Variants in IL1RAPL1 observed in about 807,000 individuals in gnomAD.
The protein encoded by IL1RAPL1 is interleukin-1 receptor accessory protein-like 1.
In IL1RAPL1, 3 loss-of-function variants were observed where a neutral mutation model predicts 48.4. That is an observed-to-expected ratio of 0.06 (90% CI 0.03 to 0.16). The LOEUF is 0.16. Ranked by LOEUF, IL1RAPL1 falls within the 10% of genes least tolerant of loss-of-function variation. The pLI, the probability that IL1RAPL1 is intolerant of heterozygous loss-of-function variation, is 1.00. For missense variants in IL1RAPL1, 349 were observed against 530.6 expected (o/e 0.66, Z 3.36); for synonymous variants, 185 against 187.7 (o/e 0.99, Z 0.12).
intron 2 of IL1RAPL1, among the ~76,000 whole-genome samples, chrX:28,911,044 A>T (rs551315042): frequency 1.8e-5 from 2 of 111,523 alleles, no homozygotes; most frequent in South Asian, 3.7e-4. Context: ...AAGAAAATGC[A>T]AATATATTCT....
At chrX:28,808,706 A>G (rs980153847) in intron 2 of IL1RAPL1, among the ~76,000 whole-genome samples, 2 of 111,033 alleles carry the variant, frequency 1.8e-5, no homozygotes, top group African/African-American at 6.5e-5. Flanking sequence ...CAAATTAGGT[A>G]TTCATTGCCA....
chrX:29,936,619 TTTTAC>T (rs1933038708), intron 8 of IL1RAPL1, among the ~76,000 whole-genome samples: 1 of 109,862 alleles, frequency 9.1e-6, no homozygotes, highest in South Asian at 3.8e-4. Flanking sequence ...ACATATGAAC[TTTTAC>T]TTACTTTGTT....
intron 8 of IL1RAPL1, among the ~76,000 whole-genome samples, chrX:29,938,194 T>G (rs1470927864): frequency 8.9e-6 from 1 of 112,171 alleles, no homozygotes; most frequent in Admixed American, 9.5e-5. Flanking sequence ...TAAGAAGGAC[T>G]TATTTTCATA....
chrX:29,480,136 C>T (rs1453058362), intron 5 of IL1RAPL1, among the ~76,000 whole-genome samples: 1 of 108,526 alleles, frequency 9.2e-6, no homozygotes, highest in Non-Finnish European at 1.9e-5. Flanking sequence ...GTTCGATGAC[C>T]ACTTCTTGTC....
chrX:29,295,798 G>T (rs1932441385), intron 3 of IL1RAPL1, among the ~76,000 whole-genome samples: 1 of 111,201 alleles, frequency 9.0e-6, no homozygotes, highest in Admixed American at 9.6e-5. Flanking sequence ...TAGACTGAAA[G>T]GAACAAAGGA....
intron 5 of IL1RAPL1, among the ~76,000 whole-genome samples, chrX:29,605,816 G>T (rs932764460): frequency 8.9e-6 from 1 of 111,960 alleles, no homozygotes; most frequent in Non-Finnish European, 1.9e-5. Context: ...TTTGAAGAGG[G>T]AAGTTATGCA....
intron 2 of IL1RAPL1, among the ~76,000 whole-genome samples, chrX:29,221,114 C>T (rs1930965837): frequency 9.0e-6 from 1 of 110,905 alleles, no homozygotes; most frequent in Non-Finnish European, 1.9e-5. Flanking sequence ...GAGATGGGGC[C>T]ACCACACCCG....
Position 29,426,998 on chromosome X carries a change from TA to T in IL1RAPL1, c.703+27706del, listed in dbSNP as rs35208878. On this transcript the variant is annotated intron_variant, in intron 5 of 10. Transcript: ENST00000378993. ...GATAATTGGATTTTAAAAACCTTTT[TA>T]AAAAAAAAAAAAAAAGATTTGCATA... is the stretch of plus-strand genomic sequence containing the variant. 3.1e-3 allele frequency among the ~76,000 whole-genome samples: 326 copies of T among 103,880 alleles called. 1 individual carries two copies. Among genetic ancestry groups the T allele is most frequent in the Non-Finnish European group, 4.8e-3 (238 of 50,082 alleles). 90.2% of individuals were successfully genotyped at this position (103,880 alleles called of 115,157 possible). A position where few individuals can be genotyped will look rare whatever the true frequency, so the allele number is the denominator to read the frequency against.
chrX:29,690,172 T>C (rs966421348), intron 6 of IL1RAPL1, among the ~76,000 whole-genome samples: 6 of 111,631 alleles, frequency 5.4e-5, no homozygotes, highest in Non-Finnish European at 1.1e-4. Context: ...GTGATATCAA[T>C]AATAAGAAAA....
chrX:29,472,491 A>G (rs967678389), intron 5 of IL1RAPL1, among the ~76,000 whole-genome samples: 12 of 112,119 alleles, frequency 1.1e-4, no homozygotes, highest in African/African-American at 3.9e-4. Flanking sequence ...GGAACTGTAT[A>G]CCTGTCAAGG....
chrX:29,228,121 G>A (rs950013776), intron 2 of IL1RAPL1, among the ~76,000 whole-genome samples: 14 of 105,298 alleles, frequency 1.3e-4, no homozygotes, highest in Non-Finnish European at 2.3e-4. Context: ...AGAACCTTGC[G>A]AGCCATTCCA....
intron 2 of IL1RAPL1, among the ~76,000 whole-genome samples, chrX:29,071,600 G>A (rs1437965211): frequency 8.9e-6 from 1 of 111,976 alleles, no homozygotes; most frequent in Non-Finnish European, 1.9e-5. Context: ...CTTTCCAACA[G>A]GATTGTAATA....
chrX:29,488,801 T>C (rs1437838997), intron 5 of IL1RAPL1, among the ~76,000 whole-genome samples: 1 of 112,292 alleles, frequency 8.9e-6, no homozygotes, highest in African/African-American at 3.2e-5. Flanking sequence ...CAAAAGATCA[T>C]GAAATTTGCA....
intron 3 of IL1RAPL1, among the ~76,000 whole-genome samples, chrX:29,393,358 T>C (rs747384762): frequency 6.8e-4 from 76 of 112,078 alleles, no homozygotes; most frequent in African/African-American, 2.4e-3. Flanking sequence ...CCTGACCTCG[T>C]GATCCGCCCG....
intron 2 of IL1RAPL1, among the ~76,000 whole-genome samples, chrX:28,954,569 A>C (rs1365644133): frequency 1.8e-5 from 2 of 110,387 alleles, no homozygotes; most frequent in African/African-American, 6.6e-5. Context: ...AATTTTTAGC[A>C]CTTCAGAATA....
intron 6 of IL1RAPL1, among the ~76,000 whole-genome samples, chrX:29,913,511 C>G (rs1932776661): frequency 9.3e-6 from 1 of 107,401 alleles, no homozygotes; most frequent in South Asian, 4.0e-4. Flanking sequence ...TACTTAATGT[C>G]TGGTTTAAGA....
chrX:28,605,899 A>T (rs1208416243), intron 1 of IL1RAPL1, among the ~76,000 whole-genome samples: 1 of 110,402 alleles, frequency 9.1e-6, no homozygotes, highest in African/African-American at 3.3e-5. Context: ...AGCATTATTT[A>T]CCCAGAAGTC....
chrX:29,271,061 T>C (rs1932034158), intron 2 of IL1RAPL1, among the ~76,000 whole-genome samples: 1 of 111,786 alleles, frequency 8.9e-6, no homozygotes, highest in Admixed American at 9.5e-5. Flanking sequence ...CTATTCTTTG[T>C]ATCCATGTAT....
At chrX:28,800,724 T>C (rs1210290636) in intron 2 of IL1RAPL1, among the ~76,000 whole-genome samples, 1 of 111,046 alleles carries the variant, frequency 9.0e-6, no homozygotes, top group East Asian at 2.8e-4. Context: ...CGTCATTAAA[T>C]GAAGATTCAG....
Sources: allele counts gnomAD v4.1 joint callset (sites outside exome capture counted in the v4.1 genomes callset), GRCh38; gene constraint gnomAD v4.1.1; transcripts MANE v1.5; gene names NCBI Gene and HGNC (gene_info 2026-07-23, HGNC 2026-07-21).